ACTB: variants seen among roughly 807,000 people sequenced by gnomAD.
ACTB encodes the protein actin, cytoplasmic 1.
In ACTB, 2 loss-of-function variants were observed where a neutral mutation model predicts 30.5. That is an observed-to-expected ratio of 0.07 (90% CI 0.03 to 0.21). The LOEUF (loss-of-function observed/expected upper bound fraction) is 0.21, where lower values mean the gene tolerates loss of function less well. ACTB is among the 10% of genes least tolerant of loss of function. The probability of loss-of-function intolerance (pLI) is 1.00; values close to 1 mark genes in which losing one functional copy is unlikely to be tolerated. For synonymous variants in ACTB, 335 were observed against 217.6 expected, an observed-to-expected ratio of 1.54 and a Z score of -4.75; for missense variants, 56 against 530.0, an observed-to-expected ratio of 0.11 and a Z score of 8.78.
chr7:5,529,146 T>TA lies in ACTB; in HGVS notation c.363+14dup. ...GGAGGGAGGCGGCCACCAGAAGAGG[T>TA]AGCGGGCCACTCACCTGGGTCATCT... On this transcript the variant is annotated intron_variant, in intron 3 of 5. Transcript: ENST00000646664. 1 of 1,613,198 alleles carries TA rather than the reference T, an allele frequency of 6.2e-7. No homozygotes were observed.
intron 3 of ACTB, 66 bp from the exon 4 acceptor site, chr7:5,528,785 G>A: frequency 2.5e-6 from 4 of 1,570,470 alleles, no homozygotes; most frequent in South Asian, 1.1e-5. Context: ...CCAGACGGGG[G>A]ACATGCAGAA....
rs767166581 is a variant in ACTB at position 5,527,988 on chromosome 7, C to T, written c.984+16G>A. ...GCCGACCTGCCCAGGTCAGCTCAGGCAGGAAAGACACCCACCTTGATCTTC... is the reference window on the plus strand; with the variant it reads ...GCCGACCTGCCCAGGTCAGCTCAGGTAGGAAAGACACCCACCTTGATCTTC... On this transcript the variant is annotated intron_variant, in intron 5 of 5. Coordinates refer to ENST00000646664, the MANE Select transcript of ACTB (RefSeq NM_001101.5). 15 of 1,613,230 alleles carry T rather than the reference C, an allele frequency of 9.3e-6. No individual in the cohort carries two copies. In the East Asian group the frequency reaches 1.8e-4, roughly 19 times the overall value.
intron 1 of ACTB, 146 bp from the exon 2 acceptor site, chr7:5,529,809 A>G (rs1784846569): frequency 3.0e-6 from 4 of 1,349,532 alleles, no homozygotes; most frequent in Non-Finnish European, 4.2e-6. Context: ...TTATTACCAT[A>G]AAAGGCAAAC....
At chr7:5,529,472 CA>C in intron 2 of ACTB, 62 bp downstream of exon 2, 2 of 1,613,082 alleles carry the variant, frequency 1.2e-6, no homozygotes, top group Non-Finnish European at 1.7e-6. Flanking sequence ...GGCTCCTGTG[CA>C]GAGAAAGCGC....
At chr7:5,529,838 C>A (rs763735958) in intron 1 of ACTB, 175 bp from the exon 2 acceptor site, 26 of 1,087,466 alleles carry the variant, frequency 2.4e-5, no homozygotes, top group Non-Finnish European at 2.9e-5. Flanking sequence ...GAGGCGTCCC[C>A]GCGGCGCGCG....
In ACTB at chr7:5,529,767, G is replaced by T. The variant is rs777332586; in HGVS notation, c.-6-104C>A. 1.9e-6 allele frequency: 3 copies of T among 1,561,244 alleles called. 1 individual carries two copies. Among genetic ancestry groups the T allele is most frequent in the South Asian group, 2.3e-5 (2 of 88,272 alleles). On this transcript the variant is annotated intron_variant, in intron 1 of 5. Coordinates refer to ENST00000646664, the MANE Select transcript of ACTB (RefSeq NM_001101.5). ...GCCAGGGGGCGCCGGCGCGCGCCCA[G>T]ATTGGGGACAAAGGAAGCCGGGCCG...
Position 5,527,243 on chromosome 7 carries a change from C to A in ACTB, c.*505G>T. 1 of 238,332 alleles carries A rather than the reference C, an allele frequency of 4.2e-6. No individual in the cohort carries two copies. Among genetic ancestry groups the A allele is most frequent in the South Asian group, 4.5e-5 (1 of 22,288 alleles). The allele number at this position is 238,332 out of a possible 1,614,324, so 14.8% of individuals were successfully genotyped here. ...ACCCACTCCCAGGGAGACCAAAAGCCTTCATACATCTCAAGTTGGGGGACA... is the reference window on the plus strand; with the variant it reads ...ACCCACTCCCAGGGAGACCAAAAGCATTCATACATCTCAAGTTGGGGGACA... On this transcript the variant is annotated 3_prime_UTR_variant, in exon 6 of 6. Coordinates refer to ENST00000646664, the MANE Select transcript of ACTB (RefSeq NM_001101.5).
chr7:5,528,844 TG>T (rs1347638205), intron 3 of ACTB, 125 bp from the exon 4 acceptor site: 7 of 1,416,722 alleles, frequency 4.9e-6, no homozygotes, highest in Non-Finnish European at 7.0e-6. Context: ...ATGGGGAGTC[TG>T]TTCAGACCTA....
At chr7:5,530,346 G>A (rs1409604696) in intron 1 of ACTB, among the ~76,000 whole-genome samples, 178 bp downstream of exon 1, 3 of 152,072 alleles carry the variant, frequency 2.0e-5, no homozygotes, top group African/African-American at 7.2e-5. Flanking sequence ...GAACTGGCGT[G>A]GGGTGTCCCC....
intron 3 of ACTB, 48 bp downstream of exon 3, chr7:5,529,113 G>A (rs779953111): frequency 2.5e-6 from 4 of 1,613,518 alleles, no homozygotes; most frequent in African/African-American, 1.3e-5. Flanking sequence ...GCTCCGGGAG[G>A]CCAGGAAGGA....
intron 5 of ACTB, 40 bp from the exon 6 acceptor site, chr7:5,527,931 T>G: frequency 3.1e-6 from 5 of 1,613,032 alleles, no homozygotes; most frequent in Non-Finnish European, 3.4e-6. Context: ...ACCCTGGATG[T>G]GACAGCTCCC....
chr7:5,528,768 A>AT, intron 3 of ACTB, 49 bp from the exon 4 acceptor site: 1 of 1,596,318 alleles, frequency 6.3e-7, no homozygotes, highest in Non-Finnish European at 8.6e-7. Flanking sequence ...CACTGGGGAC[A>AT]GCCAGGCCAG....
At position 5,528,220 on chromosome 7, in the gene ACTB, C is replaced by T. The variant is rs1187570762; in HGVS notation, c.803-35G>A. On this transcript the variant is annotated intron_variant, in intron 4 of 5. Coordinates refer to ENST00000646664, the MANE Select transcript of ACTB (RefSeq NM_001101.5). ...AAATGAGGGCAGGACTTAGCTTCCACAGCACAGCCCCGAGGGGTAACCCTC... is the reference window on the plus strand; with the variant it reads ...AAATGAGGGCAGGACTTAGCTTCCATAGCACAGCCCCGAGGGGTAACCCTC... 5 of 1,613,770 alleles carry T rather than the reference C, an allele frequency of 3.1e-6. No homozygotes were observed. In the African/African-American group the frequency reaches 5.3e-5, roughly 17 times the overall value.
rs1395592443 is a variant in ACTB at position 5,527,636 on chromosome 7, A to C, written c.*112T>G. Reference sequence around the variant, plus strand: ...CCTGAGTCAAGCCAAAAAAAAAAAAAAAACCAAAACAAAACAAAAAAAACA... The same window carrying C: ...CCTGAGTCAAGCCAAAAAAAAAAAACAAACCAAAACAAAACAAAAAAAACA... On this transcript the variant is annotated 3_prime_UTR_variant, in exon 6 of 6. Transcript: ENST00000646664. The C allele has an allele frequency of 1.9e-6, 3 of 1,540,670 alleles. No homozygotes were observed. Among genetic ancestry groups the C allele is most frequent in the Non-Finnish European group, 2.6e-6 (3 of 1,133,864 alleles).
In ACTB at chr7:5,529,652, A is replaced by T; in HGVS notation, c.6T>A (p.Asp2Glu). Reference sequence around the variant, plus strand: ...CGACGACGAGCGCGGCGATATCATCATCCATGGTGAGCTGCGAGAATAGCC... The same window carrying T: ...CGACGACGAGCGCGGCGATATCATCTTCCATGGTGAGCTGCGAGAATAGCC... M[D>E]DDIAALVVDN... Residue 2 changes from aspartate to glutamate, a missense_variant, in exon 2 of 6, where the codon GAT becomes GAA. Asp to Glu is a conservative substitution (Grantham distance 45, BLOSUM62 2). This residue lies in a region of ACTB where 10 missense variants were observed against 80.2 expected (regional missense o/e 0.12). Transcript: ENST00000646664. 1 of 1,611,382 alleles carries T rather than the reference A, an allele frequency of 6.2e-7. No individual in the cohort carries two copies. Among genetic ancestry groups the T allele is most frequent in the Non-Finnish European group, 8.5e-7 (1 of 1,179,666 alleles).
Position 5,527,288 on chromosome 7 carries a change from C to A in ACTB, c.*460G>T. On this transcript the variant is annotated 3_prime_UTR_variant, in exon 6 of 6. Coordinates refer to ENST00000646664, the MANE Select transcript of ACTB (RefSeq NM_001101.5). ...GGGACAAAAAAGGGGGAAGGGGGGGCACGAAGGCTCATCATTCAAAATAAA... is the reference window on the plus strand; with the variant it reads ...GGGACAAAAAAGGGGGAAGGGGGGGAACGAAGGCTCATCATTCAAAATAAA... 1 of 242,620 alleles carries A rather than the reference C, an allele frequency of 4.1e-6. No homozygotes were observed. The highest frequency in any genetic ancestry group is 4.2e-5 in the South Asian group (1 of 23,614). The allele number at this position is 242,620 out of a possible 1,614,324, so 15.0% of individuals were successfully genotyped here. A position where few individuals can be genotyped will look rare whatever the true frequency, so the allele number is the denominator to read the frequency against.
Position 5,527,766 on chromosome 7 carries a change from G to A in ACTB, c.1110C>T (p.Val370=), listed in dbSNP as rs761902382. The A allele has an allele frequency of 3.1e-6, 5 of 1,613,914 alleles. No homozygotes were observed. The highest frequency in any genetic ancestry group is 4.2e-6 in the Non-Finnish European group (5 of 1,180,010). ...QEYDESGPSI[V]HRKCF ...AGTCCGCCTAGAAGCATTTGCGGTGGACGATGGAGGGGCCGGACTCGTCAT... is the reference window on the plus strand; with the variant it reads ...AGTCCGCCTAGAAGCATTTGCGGTGAACGATGGAGGGGCCGGACTCGTCAT... The change falls in exon 6 of 6, where the codon GTC becomes GTT. Residue 370 remains valine, a synonymous_variant. Transcript: ENST00000646664.
rs1784812389 is a variant in ACTB at position 5,528,462 on chromosome 7, T to C, written c.621A>G (p.Glu207=). The change falls in exon 4 of 6, where the codon GAA becomes GAG. Residue 207 remains glutamate (E), a synonymous_variant. Coordinates refer to ENST00000646664, the MANE Select transcript of ACTB (RefSeq NM_001101.5). ...GYSFTTTAER[E]IVRDIKEKLC... ...GCTTCTCCTTAATGTCACGCACGATTTCCCGCTCGGCCGTGGTGGTGAAGC... is the reference window on the plus strand; with the variant it reads ...GCTTCTCCTTAATGTCACGCACGATCTCCCGCTCGGCCGTGGTGGTGAAGC... The C allele has an allele frequency of 1.9e-6, 3 of 1,614,110 alleles. No individual in the cohort carries two copies. The highest frequency in any genetic ancestry group is 2.5e-6 in the Non-Finnish European group (3 of 1,180,042).
rs878971183 is a variant in ACTB at position 5,528,001 on chromosome 7, C to T, written c.984+3G>A. The T allele has an allele frequency of 6.2e-7, 1 of 1,613,104 alleles. No homozygotes were observed. Among genetic ancestry groups the T allele is most frequent in the African/African-American group, 1.3e-5 (1 of 75,036 alleles). On this transcript the variant is annotated splice_donor_region_variant and intron_variant, in intron 5 of 5. Coordinates refer to ENST00000646664, the MANE Select transcript of ACTB (RefSeq NM_001101.5). ...GGTCAGCTCAGGCAGGAAAGACACC[C>T]ACCTTGATCTTCATTGTGCTGGGTG...
Sources: gnomAD v4.1 joint callset for allele counts (sites outside exome capture counted in the v4.1 genomes callset) on GRCh38, gnomAD v4.1.1 for gene constraint, gnomAD v4.1.1 regional missense constraint, MANE v1.5 for transcripts, NCBI Gene and HGNC (gene_info 2026-07-23, HGNC 2026-07-21) for gene names.